Variants in ASH1L observed in about 807,000 individuals in gnomAD.
The protein encoded by ASH1L is ASH1 like histone lysine methyltransferase.
A neutral mutation model predicts 269.0 loss-of-function variants in ASH1L; 23 were observed. The ratio of observed to expected loss-of-function variants is 0.09; its 90% CI spans 0.06 to 0.12. The LOEUF (loss-of-function observed/expected upper bound fraction) is 0.12. Among genes scored for constraint, ASH1L ranks in the 10% least tolerant of loss-of-function variants. The probability of loss-of-function intolerance (pLI) is 1.00; values close to 1 mark genes in which losing one functional copy is unlikely to be tolerated. For missense variants in ASH1L, 2,912 were observed against 3,567.8 expected, an observed-to-expected ratio of 0.82 and a Z score of 4.68; for synonymous variants, 1,187 against 1,253.5, an observed-to-expected ratio of 0.95 and a Z score of 1.12.
chr1:155,525,390 G>A (rs1181988320), intron 1 of ASH1L, among the ~76,000 whole-genome samples: 3 of 151,888 alleles, frequency 2.0e-5, no homozygotes, highest in Admixed American at 6.6e-5. Flanking sequence ...AACTTGACAC[G>A]GACCCATTTT....
At chr1:155,469,721 C>T (rs1219576578) in intron 3 of ASH1L, among the ~76,000 whole-genome samples, 1 of 152,168 alleles carries the variant, frequency 6.6e-6, no homozygotes, top group Non-Finnish European at 1.5e-5. Context: ...TCATCTCTAC[C>T]TTGGCTCAGA....
chr1:155,492,929 A>G (rs72704183), intron 2 of ASH1L, among the ~76,000 whole-genome samples: 1 of 152,064 alleles, frequency 6.6e-6, no homozygotes, highest in Non-Finnish European at 1.5e-5. Flanking sequence ...GCTCTAGCCA[A>G]CATCCCACCT....
At position 155,481,886 on chromosome 1, in the gene ASH1L, G is replaced by A; in HGVS notation, c.984C>T (p.Ile328=). The change falls in exon 3 of 28, where the codon ATC becomes ATT. Residue 328 remains isoleucine (I), a synonymous_variant. Coordinates refer to ENST00000392403, the MANE Select transcript of ASH1L (RefSeq NM_018489.3). ...NKNLGKKPGT[I]TTVGLLSKDS... ...CTTTGCTTAGCAGTCCTACTGTAGT[G>A]ATAGTTCCTGGCTTTTTGCCTAAGT... is the stretch of plus-strand genomic sequence containing the variant. The A allele has an allele frequency of 6.2e-7, 1 of 1,614,182 alleles. No homozygotes were observed. Among genetic ancestry groups the A allele is most frequent in the South Asian group, 1.1e-5 (1 of 91,082 alleles).
At chr1:155,488,944 A>G (rs1015966048) in intron 2 of ASH1L, among the ~76,000 whole-genome samples, 7 of 152,178 alleles carry the variant, frequency 4.6e-5, no homozygotes, top group Non-Finnish European at 2.9e-5. Flanking sequence ...TTTCATGAAT[A>G]AAGACTTTAC....
intron 5 of ASH1L, among the ~76,000 whole-genome samples, chr1:155,421,042 AC>A (rs1660632764): frequency 6.6e-6 from 1 of 150,854 alleles, no homozygotes; most frequent in African/African-American, 2.4e-5. Flanking sequence ...TTGGAGACCA[AC>A]CGAGGCAACA....
At chr1:155,381,819 G>A (rs542702168) in intron 7 of ASH1L, among the ~76,000 whole-genome samples, 57 of 151,882 alleles carry the variant, frequency 3.8e-4, no homozygotes, top group African/African-American at 1.3e-3. Context: ...AGGTAGAGGT[G>A]GAGGTTGCAG....
intron 7 of ASH1L, among the ~76,000 whole-genome samples, chr1:155,387,894 C>A (rs138237010): frequency 4.7e-4 from 72 of 152,214 alleles, no homozygotes; most frequent in African/African-American, 1.7e-3. Context: ...CTTTTTGTGG[C>A]AATTGTGAAT....
rs1652297922 is a variant in ASH1L at position 155,336,202 on chromosome 1, A to G, written c.*1458T>C. 6.5e-6 allele frequency: 1 copy of G among 152,674 alleles called. No individual in the cohort carries two copies. The highest frequency in any genetic ancestry group is 2.4e-5 in the African/African-American group (1 of 41,402). The allele number at this position is 152,674 out of a possible 1,614,324, so 9.5% of individuals were successfully genotyped here. A position where few individuals can be genotyped will look rare whatever the true frequency, so the allele number is the denominator to read the frequency against. On this transcript the variant is annotated 3_prime_UTR_variant, in exon 28 of 28. Coordinates refer to ENST00000392403, the MANE Select transcript of ASH1L (RefSeq NM_018489.3). The stretch of plus-strand genomic sequence containing the variant: ...TATTTAATGGAATGGAAGGTGGTCA[A>G]TGTGTCTACCTAAACGAGTCAGAGC...
intron 6 of ASH1L, among the ~76,000 whole-genome samples, chr1:155,405,772 G>C (rs754753156): frequency 1.9e-4 from 29 of 150,894 alleles, no homozygotes; most frequent in Non-Finnish European, 3.4e-4. Context: ...GGAGGTTGCA[G>C]TGAGCCAAGA....
rs373456279 is a variant in ASH1L, at chr1:155,540,403, C to T, written c.-99-18785G>A. Among the ~76,000 whole-genome samples the T allele has an allele frequency of 3.3e-5, 5 of 152,282 alleles. No homozygotes were observed. In the East Asian group the frequency reaches 7.7e-4, roughly 24 times the overall value. On this transcript the variant is annotated intron_variant, in intron 1 of 27. Transcript: ENST00000392403. ...TACTTTTTGTTGTTGTTAACTGCCCCTACATATCTCTGGCCTCACCATTCC... is the reference window on the plus strand; with the variant it reads ...TACTTTTTGTTGTTGTTAACTGCCCTTACATATCTCTGGCCTCACCATTCC...
At chr1:155,388,976 T>C (rs932021987) in intron 7 of ASH1L, among the ~76,000 whole-genome samples, 5 of 151,940 alleles carry the variant, frequency 3.3e-5, no homozygotes, top group Admixed American at 3.3e-4. Context: ...CCCAAAGTGC[T>C]GGGATTACAG....
intron 6 of ASH1L, among the ~76,000 whole-genome samples, chr1:155,414,953 C>A (rs1008866009): frequency 1.1e-4 from 16 of 152,024 alleles, no homozygotes; most frequent in African/African-American, 3.9e-4. Flanking sequence ...AAAAGCAAGG[C>A]AAATATTTTA....
intron 1 of ASH1L, among the ~76,000 whole-genome samples, chr1:155,539,562 C>T (rs558312308): frequency 6.6e-6 from 1 of 152,190 alleles, no homozygotes; most frequent in Admixed American, 6.5e-5. Context: ...GCCCAAGCAG[C>T]CTTAGCCTCC....
intron 26 of ASH1L, among the ~76,000 whole-genome samples, chr1:155,338,658 T>C (rs1449304510): frequency 1.2e-4 from 18 of 152,228 alleles, no homozygotes; most frequent in Non-Finnish European, 5.9e-5. Context: ...CAAGGGCTAA[T>C]AAAATTGCTT....
In ASH1L at chr1:155,482,406, A is replaced by G. The variant is rs1231099091; in HGVS notation, c.464T>C (p.Ile155Thr). ...GATGACTTCTTCAGACTGGCATTCA[A>G]TGGCTGCAACATCATCTGCTTTCTT... Reference protein sequence around the residue: ...LYKKADDVAAIECQSEEVIRL... With the variant: ...LYKKADDVAATECQSEEVIRL... Residue 155 changes from isoleucine to threonine, a missense_variant, in exon 3 of 28, where the codon ATT (isoleucine) becomes ACT (threonine). Ile to Thr is a moderately conservative substitution (Grantham distance 89). This residue lies in a region of ASH1L where 277 missense variants were observed against 367.7 expected (regional missense o/e 0.75). Coordinates refer to ENST00000392403, the MANE Select transcript of ASH1L (RefSeq NM_018489.3). 1.9e-6 allele frequency: 3 copies of G among 1,613,886 alleles called. No homozygotes were observed. In the African/African-American group the frequency reaches 4.0e-5, roughly 22 times the overall value.
chr1:155,506,874 G>A (rs1277191157), intron 2 of ASH1L, among the ~76,000 whole-genome samples: 2 of 151,630 alleles, frequency 1.3e-5, no homozygotes, highest in Non-Finnish European at 2.9e-5. Context: ...TAGGAGGATC[G>A]TTTGACCCCA....
chr1:155,388,786 C>T (rs999978178), intron 7 of ASH1L, among the ~76,000 whole-genome samples: 2 of 148,196 alleles, frequency 1.3e-5, no homozygotes, highest in South Asian at 2.1e-4. Context: ...CTGGTGCAAT[C>T]ATAACTCACT....
chr1:155,502,536 C>T (rs889796454), intron 2 of ASH1L, among the ~76,000 whole-genome samples: 1 of 152,066 alleles, frequency 6.6e-6, no homozygotes, highest in African/African-American at 2.4e-5. Context: ...TTCTGTGTTG[C>T]TCATAAAAAG....
intron 4 of ASH1L, among the ~76,000 whole-genome samples, chr1:155,441,650 T>C (rs1662581991): frequency 6.6e-6 from 1 of 151,048 alleles, no homozygotes; most frequent in African/African-American, 2.4e-5. Flanking sequence ...TATTTTTTAG[T>C]AGAGACGGGG....
Sources: gnomAD v4.1 joint callset for allele counts (sites outside exome capture counted in the v4.1 genomes callset) on GRCh38, gnomAD v4.1.1 for gene constraint, gnomAD v4.1.1 regional missense constraint, MANE v1.5 for transcripts, NCBI Gene and HGNC (gene_info 2026-07-23, HGNC 2026-07-21) for gene names.